The following UBE2E2 variants were observed in gnomAD, a reference collection of about 807,000 sequenced individuals.
UBE2E2 encodes the protein ubiquitin-conjugating enzyme E2 E2.
In UBE2E2, 6 loss-of-function variants were observed where a neutral mutation model predicts 24.7. That is an observed-to-expected ratio of 0.24 (90% confidence interval 0.13 to 0.48). UBE2E2 has a LOEUF of 0.48. Among genes scored for constraint, UBE2E2 ranks in the 20% least tolerant of loss-of-function variants. The pLI, the probability that UBE2E2 is intolerant of heterozygous loss-of-function variation, is 0.99. For missense variants in UBE2E2, 169 were observed against 245.0 expected (o/e 0.69, Z 2.07); for synonymous variants, 104 against 83.6 (o/e 1.24, Z -1.33).
In UBE2E2 at chr3:23,428,574, G is replaced by A. The variant is rs1194073961; in HGVS notation, c.228-71034G>A. 3.3e-5 allele frequency among the ~76,000 whole-genome samples: 5 copies of A among 152,026 alleles called. No individual in the cohort carries two copies. The East Asian group carries it at 9.7e-4, about 29-fold the overall frequency. Reference sequence around the variant, plus strand: ...TATATATTAATGAAATAGGAAACAGGAAATCACAGAAAATCAATGATCTCA... The same window carrying A: ...TATATATTAATGAAATAGGAAACAGAAAATCACAGAAAATCAATGATCTCA... On this transcript the variant is annotated intron_variant, in intron 3 of 5. Coordinates refer to ENST00000396703, the MANE Select transcript of UBE2E2 (RefSeq NM_152653.4).
chr3:23,478,594 A>T (rs1575656257), intron 3 of UBE2E2, among the ~76,000 whole-genome samples: 1 of 152,370 alleles, frequency 6.6e-6, no homozygotes, highest in South Asian at 2.1e-4. Context: ...AAACCAAAAA[A>T]GTAATATTTT....
intron 5 of UBE2E2, among the ~76,000 whole-genome samples, chr3:23,553,666 GT>G (rs1411750643): frequency 6.6e-6 from 1 of 152,006 alleles, no homozygotes; most frequent in Non-Finnish European, 1.5e-5. Flanking sequence ...CTCAAAAGCC[GT>G]ATCCATCTAA....
intron 3 of UBE2E2, among the ~76,000 whole-genome samples, chr3:23,375,885 C>G (rs965018491): frequency 3.9e-5 from 6 of 152,076 alleles, no homozygotes; most frequent in Non-Finnish European, 7.4e-5. Flanking sequence ...AAAGTTAGTG[C>G]ATAAGGCAAA....
At chr3:23,439,961 T>A (rs963438735) in intron 3 of UBE2E2, among the ~76,000 whole-genome samples, 57 of 149,270 alleles carry the variant, frequency 3.8e-4, no homozygotes, top group African/African-American at 1.3e-3. Flanking sequence ...CTTATCTTTT[T>A]AAATTTTTTA....
At chr3:23,216,916 T>C (rs1696491527) in intron 2 of UBE2E2, among the ~76,000 whole-genome samples, 1 of 152,142 alleles carries the variant, frequency 6.6e-6, no homozygotes, top group Non-Finnish European at 1.5e-5. Flanking sequence ...CTTTCCATCC[T>C]GTATGGGAAT....
intron 3 of UBE2E2, among the ~76,000 whole-genome samples, chr3:23,381,628 T>C (rs1416204713): frequency 6.6e-6 from 1 of 152,224 alleles, no homozygotes; most frequent in Non-Finnish European, 1.5e-5. Context: ...CCCTGAATTA[T>C]GTTAATATTA....
chr3:23,577,712 C>T (rs2125516553), intron 5 of UBE2E2, among the ~76,000 whole-genome samples: 1 of 152,322 alleles, frequency 6.6e-6, no homozygotes, highest in East Asian at 1.9e-4. Flanking sequence ...GTAGATGAAA[C>T]AGCCTTCTGT....
intron 3 of UBE2E2, among the ~76,000 whole-genome samples, chr3:23,475,930 T>A (rs113470556): frequency 2.0e-4 from 31 of 152,144 alleles, no homozygotes; most frequent in Non-Finnish European, 3.5e-4. Flanking sequence ...AGACAGCTAG[T>A]AAAATAAGAA....
intron 1 of UBE2E2, among the ~76,000 whole-genome samples, chr3:23,204,502 C>G (rs980710796): frequency 6.6e-5 from 10 of 152,018 alleles, no homozygotes; most frequent in African/African-American, 2.4e-4. Flanking sequence ...GTTTTTAATC[C>G]CTGATTTCTT....
At chr3:23,300,740 G>C (rs1201249167) in intron 3 of UBE2E2, among the ~76,000 whole-genome samples, 1 of 151,914 alleles carries the variant, frequency 6.6e-6, no homozygotes, top group Non-Finnish European at 1.5e-5. Flanking sequence ...TTCAACTTTG[G>C]TGAATCTGAC....
chr3:23,208,726 T>A lies in UBE2E2; in HGVS notation c.27T>A (p.Asp9Glu). ...TGTCCACTGAGGCACAAAGAGTTGA[T>A]GACAGTCCAAGCACTAGTGGAGGAA... is the stretch of plus-strand genomic sequence containing the variant. MSTEAQRVDDSPSTSGGSS... is the reference protein window; with the variant it reads MSTEAQRVEDSPSTSGGSS... Residue 9 changes from aspartate to glutamate, a missense_variant, in exon 2 of 6, where the codon GAT becomes GAA. Physicochemically the swap from Asp to Glu is conservative, Grantham distance 45 (BLOSUM62 2). Around this residue, in one of 2 missense-constraint regions of UBE2E2, gnomAD observed 64 missense variants for 64.3 expected, o/e 1.00. Transcript: ENST00000396703. 1 of 1,612,384 alleles carries A rather than the reference T, an allele frequency of 6.2e-7. No homozygotes were observed. Among genetic ancestry groups the A allele is most frequent in the Non-Finnish European group, 8.5e-7 (1 of 1,179,346 alleles).
chr3:23,311,246 C>T (rs1326552546), intron 3 of UBE2E2, among the ~76,000 whole-genome samples: 1 of 152,190 alleles, frequency 6.6e-6, no homozygotes, highest in South Asian at 2.1e-4. Context: ...TTTTCTTAAT[C>T]CAGTCTATCA....
intron 4 of UBE2E2, among the ~76,000 whole-genome samples, chr3:23,515,781 A>G (rs971380945): frequency 4.4e-4 from 66 of 150,392 alleles, no homozygotes; most frequent in African/African-American, 1.5e-3. Flanking sequence ...ACATAGTGAG[A>G]TCGCATCTCT....
In UBE2E2 at chr3:23,359,767, A is replaced by G. The variant is rs142075164; in HGVS notation, c.228-139841A>G. 2.5e-3 allele frequency among the ~76,000 whole-genome samples: 388 copies of G among 152,268 alleles called. 3 individuals carry two copies. Among genetic ancestry groups the G allele is most frequent in the African/African-American group, 8.9e-3 (371 of 41,554 alleles). On this transcript the variant is annotated intron_variant, in intron 3 of 5. Coordinates refer to ENST00000396703, the MANE Select transcript of UBE2E2 (RefSeq NM_152653.4). The stretch of plus-strand genomic sequence containing the variant: ...CTCAGGAAATTATACTTGCACCTTG[A>G]GGACACCTTGAAAATTTGGAATTCC...
intron 4 of UBE2E2, among the ~76,000 whole-genome samples, chr3:23,500,544 TG>T (rs1254075295): frequency 2.0e-5 from 3 of 152,380 alleles, no homozygotes; most frequent in African/African-American, 7.2e-5. Flanking sequence ...GAGGACACTA[TG>T]TTTTGACTAC....
At chr3:23,378,248 A>C (rs1159731789) in intron 3 of UBE2E2, among the ~76,000 whole-genome samples, 4 of 151,724 alleles carry the variant, frequency 2.6e-5, no homozygotes, top group Non-Finnish European at 5.9e-5. Context: ...AAAAAAAAAA[A>C]AAAAAAAAAA....
At chr3:23,297,365 T>C (rs1448610470) in intron 3 of UBE2E2, among the ~76,000 whole-genome samples, 2 of 151,858 alleles carry the variant, frequency 1.3e-5, no homozygotes, top group East Asian at 1.9e-4. Flanking sequence ...TTTGGTGTTT[T>C]AGACATGAAG....
At chr3:23,470,733 T>C (rs1475732880) in intron 3 of UBE2E2, among the ~76,000 whole-genome samples, 3 of 152,158 alleles carry the variant, frequency 2.0e-5, no homozygotes, top group Non-Finnish European at 4.4e-5. Flanking sequence ...AAACGGTTCT[T>C]AATAGAAATG....
At chr3:23,256,246 T>C (rs1240088526) in intron 3 of UBE2E2, among the ~76,000 whole-genome samples, 1 of 152,230 alleles carries the variant, frequency 6.6e-6, no homozygotes, top group Admixed American at 6.5e-5. Flanking sequence ...CTGAAGTTAA[T>C]AGGATTGTAT....
Sources: allele counts gnomAD v4.1 joint callset (sites outside exome capture counted in the v4.1 genomes callset), GRCh38; gene constraint gnomAD v4.1.1; regional missense constraint gnomAD v4.1.1; transcripts MANE v1.5; gene names NCBI Gene and HGNC (gene_info 2026-07-23, HGNC 2026-07-21).